The following FHAD1 variants were observed in gnomAD, a reference collection of about 807,000 sequenced individuals.
FHAD1 encodes the protein forkhead associated phosphopeptide binding domain 1.
FHAD1 carries 146 observed loss-of-function variants against 191.3 expected under a neutral mutation model. The ratio of observed to expected loss-of-function variants is 0.76; its 90% confidence interval spans 0.67 to 0.88. The LOEUF is 0.88. FHAD1 is among the 40% of genes least tolerant of loss of function. The pLI, the probability that FHAD1 is intolerant of heterozygous loss-of-function variation, is 0.00. For synonymous variants in FHAD1, 616 were observed against 672.3 expected, an observed-to-expected ratio of 0.92 and a Z score of 1.29; for missense variants, 1,635 against 1,785.8, an observed-to-expected ratio of 0.92 and a Z score of 1.52.
intron 6 of FHAD1, among the ~76,000 whole-genome samples, chr1:15,303,848 C>CAAAA (rs765601462): frequency 6.7e-5 from 7 of 104,414 alleles, no homozygotes; most frequent in Non-Finnish European, 6.3e-5. Context: ...GACTCTGTCT[C>CAAAA]AAAAAAAAAA....
chr1:15,367,646 G>A (rs953402519), intron 25 of FHAD1, 24 bp downstream of exon 25: 3 of 1,495,698 alleles, frequency 2.0e-6, no homozygotes, highest in Non-Finnish European at 2.7e-6. Context: ...GGGCCGGGTT[G>A]GGGGGATGGT....
intron 18 of FHAD1, among the ~76,000 whole-genome samples, chr1:15,347,234 A>G (rs952414517): frequency 6.6e-6 from 1 of 152,222 alleles, no homozygotes; most frequent in Admixed American, 6.5e-5. Context: ...CTTGAGTCAA[A>G]TGCCCCAAGA....
At chr1:15,396,886 T>C (rs11589508) in intron 33 of FHAD1, among the ~76,000 whole-genome samples, 34,566 of 151,434 alleles carry the variant, frequency 0.23, 4,115 homozygotes, top group Middle Eastern at 0.37. Context: ...CTCCTCATGT[T>C]AAAAATAATT....
Position 15,374,421 on chromosome 1 carries a change from A to G in FHAD1, c.3448-81A>G, listed in dbSNP as rs1056645298. 1.3e-5 allele frequency: 20 copies of G among 1,523,330 alleles called. No homozygotes were observed. The African/African-American group carries it at 2.1e-4, about 16-fold the overall frequency. 94.4% of individuals were successfully genotyped at this position (1,523,330 alleles called of 1,614,324 possible). On this transcript the variant is annotated intron_variant, in intron 26 of 33. Transcript: ENST00000688493. ...GCTAAGTGACTGGGTTCCTCTATAC[A>G]TGAATTGTTCACATTTCTGTGAATG...
intron 4 of FHAD1, among the ~76,000 whole-genome samples, chr1:15,293,621 G>A (rs1002479459): frequency 2.0e-5 from 3 of 152,214 alleles, no homozygotes; most frequent in Non-Finnish European, 2.9e-5. Flanking sequence ...AGGAGGCTGA[G>A]GCAGGAGAAT....
At chr1:15,367,269 G>T (rs190804934) in intron 24 of FHAD1, among the ~76,000 whole-genome samples, 194 bp from the exon 25 acceptor site, 1 of 152,246 alleles carries the variant, frequency 6.6e-6, no homozygotes, top group African/African-American at 2.4e-5. Flanking sequence ...ACTGAGGCGG[G>T]TGGATCACCT....
Position 15,381,048 on chromosome 1 carries a change from C to T in FHAD1, c.3802-183C>T, listed in dbSNP as rs1045825104. 4.6e-5 allele frequency among the ~76,000 whole-genome samples: 7 copies of T among 152,100 alleles called. No individual in the cohort carries two copies. Among genetic ancestry groups the T allele is most frequent in the Non-Finnish European group, 8.8e-5 (6 of 68,010 alleles). ...CCCCCGGTTCTCAAAAAAGGCATAG[C>T]GTAAATGGATGTGGGAGAAAGGAAA... On this transcript the variant is annotated intron_variant, in intron 29 of 33. Transcript: ENST00000688493. The surrounding 1 kb of genome is among the most constrained non-coding windows in gnomAD (Gnocchi z 4.6).
intron 3 of FHAD1, among the ~76,000 whole-genome samples, chr1:15,285,811 C>G (rs1332935050): frequency 6.6e-6 from 1 of 152,062 alleles, no homozygotes; most frequent in African/African-American, 2.4e-5. Context: ...TGTCCATGGA[C>G]AGATGAATGG....
chr1:15,289,275 A>T lies in FHAD1; in HGVS notation c.301-124A>T, dbSNP rs1663615467. ...AGTGTTGGGATTATAGCTGTGTGCC[A>T]CCCTGCCCGACCGGAAGTGACTCAT... On this transcript the variant is annotated intron_variant, in intron 3 of 33. Coordinates refer to ENST00000688493, the MANE Select transcript of FHAD1 (RefSeq NM_001391957.1). The surrounding 1 kb of genome is among the most constrained non-coding windows in gnomAD (Gnocchi z 4.2). 3.0e-6 allele frequency: 4 copies of T among 1,332,078 alleles called. No homozygotes were observed. The highest frequency in any genetic ancestry group is 4.0e-6 in the Non-Finnish European group (4 of 994,516). The allele number at this position is 1,332,078 out of a possible 1,614,324, so 82.5% of individuals were successfully genotyped here.
intron 6 of FHAD1, among the ~76,000 whole-genome samples, chr1:15,307,807 T>C (rs1670976099): frequency 6.6e-6 from 1 of 151,938 alleles, no homozygotes; most frequent in Non-Finnish European, 1.5e-5. Context: ...CTCGGCTCAC[T>C]GCAAGCTCTG....
At chr1:15,292,482 C>T (rs951749972) in intron 4 of FHAD1, among the ~76,000 whole-genome samples, 21 of 152,196 alleles carry the variant, frequency 1.4e-4, no homozygotes, top group Admixed American at 7.9e-4. Flanking sequence ...TACAGGCGCC[C>T]GCCACCACGC....
chr1:15,350,188 C>A (rs1287212708), intron 19 of FHAD1, among the ~76,000 whole-genome samples: 3 of 152,290 alleles, frequency 2.0e-5, no homozygotes, highest in Admixed American at 6.5e-5. Flanking sequence ...AGGCCCGGTT[C>A]TGGGTGCCAC....
intron 8 of FHAD1, among the ~76,000 whole-genome samples, chr1:15,313,953 A>C (rs493919): frequency 6.6e-6 from 1 of 151,632 alleles, no homozygotes; most frequent in South Asian, 2.1e-4. Context: ...CCAGCTACTC[A>C]GGAGGCTGAG....
In FHAD1 at chr1:15,397,380, C is replaced by T; in HGVS notation, c.4407C>T (p.Ser1469=). Residue 1469 remains serine, a synonymous_variant, in exon 34 of 34, where the codon AGC becomes AGT. Transcript: ENST00000688493. ...AGACCTCCAGCAAGTCCAGCCAGAG[C>T]CTTTTGCATTCTAAGCCCAGTGGAA... ...RKETSSKSSQ[S]LLHSKPSGKY is the part of the protein sequence containing the mutation. 1 of 1,543,932 alleles carries T rather than the reference C, an allele frequency of 6.5e-7. No homozygotes were observed. Among genetic ancestry groups the T allele is most frequent in the Non-Finnish European group, 8.8e-7 (1 of 1,141,792 alleles).
At chr1:15,339,431 C>T in intron 14 of FHAD1, 50 bp from the exon 15 acceptor site, 1 of 912,638 alleles carries the variant, frequency 1.1e-6, no homozygotes. Context: ...TGTCTGCAAG[C>T]TTTGGAGTTG....
At chr1:15,395,879 A>G (rs1450228061) in intron 33 of FHAD1, among the ~76,000 whole-genome samples, 1 of 152,198 alleles carries the variant, frequency 6.6e-6, no homozygotes, top group East Asian at 1.9e-4. Context: ...AGTGTGGCCC[A>G]GGGAAGCCAA....
At chr1:15,293,921 G>C (rs974974579) in intron 4 of FHAD1, among the ~76,000 whole-genome samples, 7 of 152,180 alleles carry the variant, frequency 4.6e-5, no homozygotes, top group Admixed American at 2.0e-4. Context: ...AAGTGAGTGA[G>C]CCATGAACGG....
At chr1:15,265,436 C>G (rs1652978031) in intron 2 of FHAD1, among the ~76,000 whole-genome samples, 1 of 152,194 alleles carries the variant, frequency 6.6e-6, no homozygotes, top group Non-Finnish European at 1.5e-5. Context: ...TTTCTACTAA[C>G]ATCAGTTTTT....
At chr1:15,257,484 G>A (rs1035160951) in intron 2 of FHAD1, among the ~76,000 whole-genome samples, 1 of 152,222 alleles carries the variant, frequency 6.6e-6, no homozygotes, top group African/African-American at 2.4e-5. Flanking sequence ...AGGCCTGGGG[G>A]ATGTCCAGCC....
Sources: allele counts gnomAD v4.1 joint callset (sites outside exome capture counted in the v4.1 genomes callset), GRCh38; gene constraint gnomAD v4.1.1; non-coding constraint Gnocchi (gnomAD v3.1); transcripts MANE v1.5; gene names NCBI Gene and HGNC (gene_info 2026-07-23, HGNC 2026-07-21).